FGF12: variants seen among roughly 807,000 people sequenced by gnomAD.
FGF12 encodes the protein fibroblast growth factor 12, also known as fibroblast growth factor 12B.
A neutral mutation model predicts 23.6 loss-of-function variants in FGF12; 14 were observed. That is an observed-to-expected ratio of 0.59 (90% CI 0.39 to 0.93). The LOEUF (loss-of-function observed/expected upper bound fraction) is 0.93, where lower values mean the gene tolerates loss of function less well. Ranked by LOEUF, FGF12 falls within the 40% of genes least tolerant of loss-of-function variation. FGF12 has a pLI of 0.00. For missense variants in FGF12, 175 were observed against 217.8 expected (o/e 0.80, Z 1.24); for synonymous variants, 62 against 77.3 (o/e 0.80, Z 1.04).
intron 2 of FGF12, among the ~76,000 whole-genome samples, chr3:192,475,002 T>C (rs186114911): frequency 2.1e-4 from 32 of 152,178 alleles, no homozygotes; most frequent in African/African-American, 6.7e-4. Context: ...GTTCTTGAAA[T>C]CCCATATCTA....
At chr3:192,503,655 G>A in intron 2 of FGF12, among the ~76,000 whole-genome samples, 1 of 147,590 alleles carries the variant, frequency 6.8e-6, no homozygotes, top group Admixed American at 6.8e-5. Context: ...ACCCAGGCTG[G>A]AGTGCAATGG....
intron 2 of FGF12, among the ~76,000 whole-genome samples, chr3:192,510,813 C>G (rs1724447269): frequency 6.6e-6 from 1 of 152,048 alleles, no homozygotes; most frequent in Admixed American, 6.6e-5. Context: ...GCTATTACAC[C>G]ATGAAAAGAC....
chr3:192,288,451 A>C (rs1413938615), intron 4 of FGF12, among the ~76,000 whole-genome samples: 2 of 152,072 alleles, frequency 1.3e-5, no homozygotes, highest in Admixed American at 1.3e-4. Flanking sequence ...ACCTGTGATT[A>C]ATTTTTTTAA....
intron 4 of FGF12, among the ~76,000 whole-genome samples, chr3:192,177,348 T>C (rs1715917186): frequency 1.3e-5 from 2 of 152,184 alleles, no homozygotes; most frequent in African/African-American, 4.8e-5. Context: ...ACAGACAACT[T>C]TGATATTGTA....
At chr3:192,352,874 T>G (rs1718287798) in intron 3 of FGF12, among the ~76,000 whole-genome samples, 1 of 152,184 alleles carries the variant, frequency 6.6e-6, no homozygotes, top group Non-Finnish European at 1.5e-5. Context: ...ATTTATGTAT[T>G]TAACTCTCTA....
At chr3:192,177,478 T>C (rs1715924323) in intron 4 of FGF12, among the ~76,000 whole-genome samples, 1 of 152,218 alleles carries the variant, frequency 6.6e-6, no homozygotes, top group Non-Finnish European at 1.5e-5. Context: ...ACTTGCCAAA[T>C]GCATGCTTTC....
chr3:192,516,285 G>T (rs890123818), intron 2 of FGF12, among the ~76,000 whole-genome samples: 2 of 152,242 alleles, frequency 1.3e-5, no homozygotes, highest in Admixed American at 1.3e-4. Flanking sequence ...AATAATCCAG[G>T]TGACAGTGAA....
intron 2 of FGF12, among the ~76,000 whole-genome samples, chr3:192,646,319 C>A (rs1716004439): frequency 6.6e-6 from 1 of 151,968 alleles, no homozygotes; most frequent in Non-Finnish European, 1.5e-5. Flanking sequence ...TAGATTTTGA[C>A]CATTTCCAGC....
At chr3:192,235,106 A>G (rs1719218219) in intron 4 of FGF12, among the ~76,000 whole-genome samples, 1 of 152,138 alleles carries the variant, frequency 6.6e-6, no homozygotes, top group African/African-American at 2.4e-5. Context: ...GTATAATGTC[A>G]GTAAAATTGG....
At chr3:192,344,873 C>T (rs1717875955) in intron 3 of FGF12, among the ~76,000 whole-genome samples, 1 of 152,106 alleles carries the variant, frequency 6.6e-6, no homozygotes, top group African/African-American at 2.4e-5. Context: ...AGGCATATCA[C>T]TATTGATAAT....
intron 2 of FGF12, among the ~76,000 whole-genome samples, chr3:192,678,331 A>G (rs1717400963): frequency 6.6e-6 from 1 of 152,234 alleles, no homozygotes; most frequent in African/African-American, 2.4e-5. Context: ...AGCTGACTGC[A>G]GAGCTCATGC....
At chr3:192,348,699 A>G (rs754282078) in intron 3 of FGF12, among the ~76,000 whole-genome samples, 2 of 152,158 alleles carry the variant, frequency 1.3e-5, no homozygotes, top group Non-Finnish European at 2.9e-5. Context: ...TTCGAGATAC[A>G]GTGTAAACTG....
intron 2 of FGF12, among the ~76,000 whole-genome samples, chr3:192,720,488 T>G (rs1719002759): frequency 6.6e-6 from 1 of 152,162 alleles, no homozygotes; most frequent in African/African-American, 2.4e-5. Flanking sequence ...AAGCTAAAAT[T>G]AGAACTATTG....
At chr3:192,550,963 T>C (rs1388702270) in intron 2 of FGF12, among the ~76,000 whole-genome samples, 3 of 152,158 alleles carry the variant, frequency 2.0e-5, no homozygotes, top group Admixed American at 6.5e-5. Flanking sequence ...GAGAGTCACT[T>C]AGGTCAGGAA....
intron 2 of FGF12, among the ~76,000 whole-genome samples, chr3:192,390,438 G>A (rs1260092022): frequency 1.3e-5 from 2 of 152,154 alleles, no homozygotes; most frequent in African/African-American, 2.4e-5. Context: ...GTTTCTATAG[G>A]AAAGTAATGT....
At chr3:192,147,621 C>T (rs978001086) in intron 5 of FGF12, among the ~76,000 whole-genome samples, 1 of 152,044 alleles carries the variant, frequency 6.6e-6, no homozygotes, top group Non-Finnish European at 1.5e-5. Flanking sequence ...ACAATTATAA[C>T]CCAGTGAATA....
In FGF12 at chr3:192,397,644, G is replaced by A. The variant is rs537114188; in HGVS notation, c.14-37106C>T. 9.2e-5 allele frequency among the ~76,000 whole-genome samples: 14 copies of A among 152,270 alleles called. No individual in the cohort carries two copies. The South Asian group carries it at 2.3e-3, about 25-fold the overall frequency. ...TTCTATTAATTACTCAGATATGAAT[G>A]AACCTTTTCTGTTGCGGCCTCTGTG... On this transcript the variant is annotated intron_variant, in intron 2 of 5. Transcript: ENST00000445105.
At chr3:192,487,316 A>G (rs563063613) in intron 2 of FGF12, among the ~76,000 whole-genome samples, 1 of 152,242 alleles carries the variant, frequency 6.6e-6, no homozygotes, top group East Asian at 1.9e-4. Context: ...GGTAAAGACT[A>G]TGCCAACTTG....
At chr3:192,599,771 T>A (rs1714031177) in intron 2 of FGF12, among the ~76,000 whole-genome samples, 1 of 151,900 alleles carries the variant, frequency 6.6e-6, no homozygotes, top group Admixed American at 6.6e-5. Flanking sequence ...GAGAAAAAAA[T>A]AAATAATAAA....
Sources: gnomAD v4.1 joint callset for allele counts (sites outside exome capture counted in the v4.1 genomes callset) on GRCh38, gnomAD v4.1.1 for gene constraint, MANE v1.5 for transcripts, NCBI Gene and HGNC (gene_info 2026-07-23, HGNC 2026-07-21) for gene names.